The following WWOX variants were observed in gnomAD, a reference collection of about 807,000 sequenced individuals.
The protein encoded by WWOX is WW domain-containing oxidoreductase.
A neutral mutation model predicts 46.2 loss-of-function variants in WWOX; 69 were observed. The observed-to-expected ratio is 1.49, with a 90% confidence interval of 1.23 to 1.82. The LOEUF is 1.82. Ranked by LOEUF, WWOX falls within the 40% of genes most tolerant of loss-of-function variation. WWOX has a pLI of 0.00. For synonymous variants in WWOX, 359 were observed against 202.6 expected (o/e 1.77, Z -6.56); for missense variants, 919 against 542.6 (o/e 1.69, Z -6.89).
At position 78,732,816 on chromosome 16, in the gene WWOX, A is replaced by T. The variant is rs191412093; in HGVS notation, c.1056+300064A>T. Among the ~76,000 whole-genome samples, 813 of 152,278 alleles carry T rather than the reference A, an allele frequency of 5.3e-3. 9 individuals are homozygous for T. The highest frequency in any genetic ancestry group is 0.018 in the African/African-American group (761 of 41,564). On this transcript the variant is annotated intron_variant, in intron 8 of 8. Transcript: ENST00000566780. Reference sequence around the variant, plus strand: ...TTTGGAATCTCTGGCAGGTAGAAGTAATTATTTCTGTAACTCTTAGGCAGG... The same window carrying T: ...TTTGGAATCTCTGGCAGGTAGAAGTTATTATTTCTGTAACTCTTAGGCAGG...
chr16:78,922,018 C>G (rs922996008), intron 8 of WWOX, among the ~76,000 whole-genome samples: 7 of 152,210 alleles, frequency 4.6e-5, no homozygotes, highest in Non-Finnish European at 1.0e-4. Context: ...CCCATGACAT[C>G]AGGACAGAAT....
intron 8 of WWOX, among the ~76,000 whole-genome samples, chr16:78,923,266 C>T (rs1036255052): frequency 1.3e-5 from 2 of 152,176 alleles, no homozygotes; most frequent in Admixed American, 6.5e-5. Context: ...CAGGCTTGAG[C>T]CACTGTGCCC....
At chr16:78,454,980 G>A (rs1344904853) in intron 8 of WWOX, among the ~76,000 whole-genome samples, 2 of 152,216 alleles carry the variant, frequency 1.3e-5, no homozygotes, top group African/African-American at 2.4e-5. Context: ...TGCCCCACAT[G>A]TCAGGTACTG....
chr16:78,675,839 A>AT (rs1460748917), intron 8 of WWOX, among the ~76,000 whole-genome samples: 1 of 151,908 alleles, frequency 6.6e-6, no homozygotes, highest in East Asian at 1.9e-4. Flanking sequence ...AAATATATAT[A>AT]TTTTTTTAAA....
chr16:78,889,041 G>C (rs1032600120), intron 8 of WWOX, among the ~76,000 whole-genome samples: 2 of 151,946 alleles, frequency 1.3e-5, no homozygotes, highest in South Asian at 4.2e-4. Flanking sequence ...CATCCCGGCT[G>C]ACTTCTTCCC....
intron 8 of WWOX, among the ~76,000 whole-genome samples, chr16:78,504,800 G>T (rs1213151875): frequency 6.6e-6 from 1 of 151,958 alleles, no homozygotes; most frequent in Non-Finnish European, 1.5e-5. Context: ...CAGAGCTTAT[G>T]CATCCGTGCT....
At chr16:78,808,197 C>G (rs552759122) in intron 8 of WWOX, among the ~76,000 whole-genome samples, 1 of 152,110 alleles carries the variant, frequency 6.6e-6, no homozygotes, top group Non-Finnish European at 1.5e-5. Flanking sequence ...CTTTTAACCC[C>G]TCTGAATATG....
intron 8 of WWOX, among the ~76,000 whole-genome samples, chr16:79,024,378 C>T (rs1419231709): frequency 6.6e-6 from 1 of 152,160 alleles, no homozygotes; most frequent in Non-Finnish European, 1.5e-5. Context: ...CCCACCTTAG[C>T]CTCCTCAGTA....
intron 8 of WWOX, among the ~76,000 whole-genome samples, chr16:78,624,036 C>A (rs532867737): frequency 6.6e-6 from 1 of 152,244 alleles, no homozygotes; most frequent in East Asian, 1.9e-4. Context: ...AAGTAAGAAC[C>A]CACAGCATCT....
At chr16:78,279,178 C>T (rs1248732710) in intron 5 of WWOX, among the ~76,000 whole-genome samples, 2 of 151,972 alleles carry the variant, frequency 1.3e-5, no homozygotes, top group Non-Finnish European at 2.9e-5. Context: ...ATTAAAAGCT[C>T]CAAGGCAGTT....
chr16:78,553,923 A>G (rs2044230331), intron 8 of WWOX, among the ~76,000 whole-genome samples: 1 of 152,056 alleles, frequency 6.6e-6, no homozygotes, highest in African/African-American at 2.4e-5. Flanking sequence ...CTTGGTGCAG[A>G]GAGAAAAGTG....
At chr16:78,738,362 A>C (rs2049137512) in intron 8 of WWOX, among the ~76,000 whole-genome samples, 1 of 152,174 alleles carries the variant, frequency 6.6e-6, no homozygotes, top group African/African-American at 2.4e-5. Context: ...TAAAATCAAT[A>C]TTTATGTGTA....
rs766224761 is a variant in WWOX at position 78,227,126 on chromosome 16, A to G, written c.516+62837A>G. ...GCAATCACAGCCACGCGGGCTCGCA[A>G]TATTACCACGAAATCATTTTATCTG... On this transcript the variant is annotated intron_variant, in intron 5 of 8. Transcript: ENST00000566780. Among the ~76,000 whole-genome samples, 93 of 152,318 alleles carry G rather than the reference A, an allele frequency of 6.1e-4. No individual in the cohort carries two copies. In the Middle Eastern group the frequency reaches 0.014, roughly 22 times the overall value.
chr16:78,554,730 G>T (rs533498203), intron 8 of WWOX, among the ~76,000 whole-genome samples: 1 of 152,094 alleles, frequency 6.6e-6, no homozygotes, highest in Non-Finnish European at 1.5e-5. Flanking sequence ...TTCAGGGCAC[G>T]CAGATTTGGT....
At chr16:78,112,707 T>C (rs1265925247) in intron 3 of WWOX, among the ~76,000 whole-genome samples, 1 of 151,722 alleles carries the variant, frequency 6.6e-6, no homozygotes, top group African/African-American at 2.4e-5. Flanking sequence ...TTCTTTCTTT[T>C]TTTTTTTTTA....
At chr16:78,708,579 C>A (rs2048373975) in intron 8 of WWOX, among the ~76,000 whole-genome samples, 1 of 152,076 alleles carries the variant, frequency 6.6e-6, no homozygotes, top group African/African-American at 2.4e-5. Flanking sequence ...GTACTTGTTA[C>A]CCCTTTCCAG....
intron 8 of WWOX, among the ~76,000 whole-genome samples, chr16:78,547,142 AAAAAAAAAAAAAAAAAAC>A (rs1219888962): frequency 4.6e-5 from 2 of 43,738 alleles, no homozygotes; most frequent in Non-Finnish European, 9.3e-5. Flanking sequence ...AAAAAAAAAA[AAAAAAAAAAAAAAAAAAC>A]AACTACCAGG....
At chr16:78,953,964 G>T (rs1009221709) in intron 8 of WWOX, among the ~76,000 whole-genome samples, 3 of 152,176 alleles carry the variant, frequency 2.0e-5, no homozygotes, top group African/African-American at 7.2e-5. Flanking sequence ...CCAAGTCCCT[G>T]TGCAAGATGC....
intron 8 of WWOX, among the ~76,000 whole-genome samples, chr16:78,902,965 G>T (rs2044867255): frequency 6.6e-6 from 1 of 152,216 alleles, no homozygotes; most frequent in Admixed American, 6.5e-5. Flanking sequence ...ATTCCTGGAT[G>T]AGTCCTTTTG....
Sources: allele counts gnomAD v4.1 joint callset (sites outside exome capture counted in the v4.1 genomes callset), GRCh38; gene constraint gnomAD v4.1.1; transcripts MANE v1.5; gene names NCBI Gene and HGNC (gene_info 2026-07-23, HGNC 2026-07-21).